The following NDC1 variants were observed in gnomAD, a reference collection of about 807,000 sequenced individuals.
The protein encoded by NDC1 is NDC1 transmembrane nucleoporin, also known as nucleoporin NDC1.
NDC1 carries 24 observed loss-of-function variants against 89.8 expected under a neutral mutation model. The observed-to-expected ratio is 0.27, with a 90% CI of 0.19 to 0.38. The LOEUF (loss-of-function observed/expected upper bound fraction) is 0.38. NDC1 is among the 10% of genes least tolerant of loss of function. The pLI is 1.00. For synonymous variants in NDC1, 296 were observed against 284.8 expected (o/e 1.04, Z -0.39); for missense variants, 728 against 797.6 (o/e 0.91, Z 1.05).
chr1:53,791,236 G>T (rs1054737448), intron 14 of NDC1, among the ~76,000 whole-genome samples: 5 of 152,038 alleles, frequency 3.3e-5, no homozygotes, highest in Admixed American at 6.6e-5. Flanking sequence ...TGGCTAACAC[G>T]CTAAAACTCC....
Position 53,787,178 on chromosome 1 carries a change from T to C in NDC1, c.1780A>G (p.Thr594Ala). ...VQTTLPAILN[T>A]LLTLQEAVDK... ...CTTACCTCTTGCAGTGTCAACAAAG[T>C]ATTAAGGATAGCTGGTAGTGTCGTC... Residue 594 changes from threonine (T) to alanine (A), a missense_variant, in exon 16 of 18, where the codon ACT becomes GCT. Transcript: ENST00000371429. 1 of 1,606,438 alleles carries C rather than the reference T, an allele frequency of 6.2e-7. No homozygotes were observed. Among genetic ancestry groups the C allele is most frequent in the East Asian group, 2.2e-5 (1 of 44,782 alleles).
At chr1:53,835,067 G>T (rs947037571) in intron 2 of NDC1, among the ~76,000 whole-genome samples, 2 of 152,168 alleles carry the variant, frequency 1.3e-5, no homozygotes, top group Non-Finnish European at 2.9e-5. Context: ...GGGTGACAGA[G>T]CAAGACTCTG....
intron 11 of NDC1, among the ~76,000 whole-genome samples, chr1:53,799,072 A>G (rs1038132097): frequency 1.3e-5 from 2 of 152,224 alleles, no homozygotes; most frequent in African/African-American, 4.8e-5. Context: ...TGATCTTTCC[A>G]ACGCTAATTT....
intron 10 of NDC1, among the ~76,000 whole-genome samples, chr1:53,801,800 A>G (rs1411496455): frequency 1.3e-5 from 2 of 152,216 alleles, no homozygotes; most frequent in East Asian, 3.9e-4. Flanking sequence ...TATGTTGCCC[A>G]GGCTGGAGTG....
At chr1:53,791,661 CTA>C (rs1647509651) in intron 14 of NDC1, among the ~76,000 whole-genome samples, 3 of 152,140 alleles carry the variant, frequency 2.0e-5, no homozygotes, top group Admixed American at 2.0e-4. Flanking sequence ...GCAGCAGTGT[CTA>C]TAATTTATCA....
At chr1:53,815,374 C>T (rs1648443571) in intron 6 of NDC1, among the ~76,000 whole-genome samples, 1 of 152,136 alleles carries the variant, frequency 6.6e-6, no homozygotes, top group Non-Finnish European at 1.5e-5. Flanking sequence ...TCAACAGATG[C>T]AGAAAAAACA....
chr1:53,795,839 T>C (rs571634795), intron 13 of NDC1, among the ~76,000 whole-genome samples: 3 of 152,314 alleles, frequency 2.0e-5, no homozygotes, highest in African/African-American at 4.8e-5. Flanking sequence ...CATCATATCA[T>C]TCTTGTGGGC....
intron 10 of NDC1, among the ~76,000 whole-genome samples, chr1:53,803,537 A>C (rs1005468757): frequency 2.0e-5 from 3 of 152,118 alleles, no homozygotes; most frequent in African/African-American, 4.8e-5. Context: ...TATTTTATTA[A>C]ATACATCTTT....
At chr1:53,830,875 T>C (rs1649039890) in intron 3 of NDC1, among the ~76,000 whole-genome samples, 1 of 137,866 alleles carries the variant, frequency 7.3e-6, no homozygotes, top group Admixed American at 7.4e-5. Context: ...AAAAAAAAAA[T>C]TCCTCCCGGT....
chr1:53,789,796 T>C (rs1212403769), intron 14 of NDC1, among the ~76,000 whole-genome samples: 28 of 132,482 alleles, frequency 2.1e-4, no homozygotes, highest in Admixed American at 2.1e-3. Flanking sequence ...TGAAACTCCA[T>C]CTCAAAAAAA....
intron 17 of NDC1, among the ~76,000 whole-genome samples, chr1:53,770,660 CT>C (rs1647104816): frequency 6.6e-6 from 1 of 151,154 alleles, no homozygotes; most frequent in Non-Finnish European, 1.5e-5. Context: ...ATCTCTTTTT[CT>C]TTTTTTTCTT....
chr1:53,803,633 G>A (rs546286874), intron 10 of NDC1, among the ~76,000 whole-genome samples: 2 of 152,092 alleles, frequency 1.3e-5, no homozygotes, highest in Admixed American at 6.5e-5. Context: ...GTGCAGTAGC[G>A]CAATCTCGGC....
chr1:53,795,546 T>C (rs1165518471), intron 13 of NDC1, among the ~76,000 whole-genome samples: 1 of 152,164 alleles, frequency 6.6e-6, no homozygotes, highest in East Asian at 1.9e-4. Context: ...TGCAACTATA[T>C]TATTCCAGAT....
intron 5 of NDC1, among the ~76,000 whole-genome samples, chr1:53,825,460 A>AAAAAAAAAAAAAGAAG (rs1039370528): frequency 7.0e-6 from 1 of 142,206 alleles, no homozygotes; most frequent in African/African-American, 2.6e-5. Flanking sequence ...CTCCAAAAAA[A>AAAAAAAAAAAAAGAAG]AAGAAGCTAC....
intron 11 of NDC1, among the ~76,000 whole-genome samples, chr1:53,797,718 T>C (rs1310527468): frequency 6.6e-6 from 1 of 151,976 alleles, no homozygotes; most frequent in Admixed American, 6.6e-5. Flanking sequence ...CAGCCTCAAC[T>C]TCTGGGGCTC....
intron 17 of NDC1, among the ~76,000 whole-genome samples, chr1:53,768,671 T>C (rs1185244411): frequency 6.6e-6 from 1 of 152,184 alleles, no homozygotes; most frequent in Non-Finnish European, 1.5e-5. Context: ...TTGAATATAA[T>C]GAAAAATTCC....
chr1:53,786,608 C>T lies in NDC1; in HGVS notation c.1800+550G>A, dbSNP rs990037636. Among the ~76,000 whole-genome samples the T allele has an allele frequency of 5.9e-5, 9 of 152,330 alleles. 1 individual carries two copies. Among genetic ancestry groups the T allele is most frequent in the African/African-American group, 1.9e-4 (8 of 41,568 alleles). The stretch of plus-strand genomic sequence containing the variant: ...TAAACAATGTGTTTAATACCAGGGG[C>T]ATATCCTACAGGTTTAGTATACTTT... On this transcript the variant is annotated intron_variant, in intron 16 of 17. Coordinates refer to ENST00000371429, the MANE Select transcript of NDC1 (RefSeq NM_018087.5).
At position 53,818,991 on chromosome 1, in the gene NDC1, C is replaced by A; in HGVS notation, c.683G>T (p.Cys228Phe). The change falls in exon 6 of 18, where the codon TGC becomes TTC. Residue 228 changes from cysteine (C) to phenylalanine (F), a missense_variant. Cys to Phe is a radical substitution (Grantham distance 205). Coordinates refer to ENST00000371429, the MANE Select transcript of NDC1 (RefSeq NM_018087.5). ...VESLFLVRNF[C>F]ILYYFLGYIP... ...CTTACCAAGAAAATAATATAAAATG[C>A]AGAAATTTCTAACCAGGAACAGTGA... 6.5e-7 allele frequency: 1 copy of A among 1,530,668 alleles called. No individual in the cohort carries two copies. The highest frequency in any genetic ancestry group is 1.2e-5 in the South Asian group (1 of 82,306). 94.8% of individuals were successfully genotyped at this position (1,530,668 alleles called of 1,614,324 possible). A position where few individuals can be genotyped will look rare whatever the true frequency, so the allele number is the denominator to read the frequency against.
At position 53,832,534 on chromosome 1, in the gene NDC1, A is replaced by G; in HGVS notation, c.236T>C (p.Val79Ala). ...YVIFYFLLLS[V>A]VIIIISIFNV... ...GAAAATACTTATTATTATTATTACC[A>G]CTGACAGCAGCAGGAAGTAAAAGAT... Residue 79 changes from valine to alanine, a missense_variant, in exon 3 of 18, where the codon GTG becomes GCG. Val to Ala is a moderately conservative substitution (Grantham distance 64). Coordinates refer to ENST00000371429, the MANE Select transcript of NDC1 (RefSeq NM_018087.5). 1 of 1,603,138 alleles carries G rather than the reference A, an allele frequency of 6.2e-7. No homozygotes were observed. Among genetic ancestry groups the G allele is most frequent in the Non-Finnish European group, 8.5e-7 (1 of 1,170,134 alleles).
Sources: allele counts gnomAD v4.1 joint callset (sites outside exome capture counted in the v4.1 genomes callset), GRCh38; gene constraint gnomAD v4.1.1; transcripts MANE v1.5; gene names NCBI Gene and HGNC (gene_info 2026-07-23, HGNC 2026-07-21).